Variants in HHIP observed in about 807,000 individuals in gnomAD.
The protein encoded by HHIP is hedgehog interacting protein.
In HHIP, 12 loss-of-function variants were observed where a neutral mutation model predicts 74.0. That is an observed-to-expected ratio of 0.16 (90% confidence interval 0.10 to 0.26). HHIP has a LOEUF of 0.26. HHIP is among the 10% of genes least tolerant of loss of function. The pLI is 1.00. For missense variants in HHIP, 788 were observed against 845.0 expected (o/e 0.93, Z 0.84); for synonymous variants, 309 against 311.6 (o/e 0.99, Z 0.09).
At chr4:144,675,675 T>C (rs113325476) in intron 4 of HHIP, among the ~76,000 whole-genome samples, 2 of 152,142 alleles carry the variant, frequency 1.3e-5, no homozygotes, top group Admixed American at 1.3e-4. Flanking sequence ...ATTTCATATG[T>C]ATATATACAT....
chr4:144,737,847 C>T lies in HHIP; in HGVS notation c.1993C>T (p.Gln665Ter). 6.2e-7 allele frequency: 1 copy of T among 1,613,936 alleles called. No homozygotes were observed. The highest frequency in any genetic ancestry group is 8.5e-7 in the Non-Finnish European group (1 of 1,179,850). The change falls in exon 13 of 13, where the codon CAA (glutamine) becomes TAA (stop). Residue 665 changes from glutamine to a stop codon, truncating the protein, a stop_gained. Transcript: ENST00000296575. LOFTEE classifies it high-confidence loss of function. ...CTGTAAAAAAGGATATCTTGGTCCT[C>T]AATGTGAACAAGTGGACAGAAACAT... Reference protein sequence around the residue: ...CLCKKGYLGPQCEQVDRNIRR... With the variant: ...CLCKKGYLGP
intron 4 of HHIP, among the ~76,000 whole-genome samples, chr4:144,698,622 G>A (rs533392258): frequency 1.3e-5 from 2 of 152,212 alleles, no homozygotes. Context: ...TCAGCATTCC[G>A]TTAATTGGAC....
intron 4 of HHIP, chr4:144,660,168 T>C (rs1370376979): frequency 2.7e-6 from 1 of 366,754 alleles, no homozygotes; most frequent in African/African-American, 2.1e-5. Flanking sequence ...CATCAGCATT[T>C]GCTAGTAGAA....
At chr4:144,680,544 G>T (rs946428704) in intron 4 of HHIP, among the ~76,000 whole-genome samples, 8 of 152,182 alleles carry the variant, frequency 5.3e-5, no homozygotes, top group African/African-American at 1.9e-4. Context: ...TATTTTCTAA[G>T]ATCTCTATGT....
chr4:144,675,686 ATG>A lies in HHIP; in HGVS notation c.831+15856_831+15857del, dbSNP rs1180639316. ...AAACATTTCATATGTATATATACATATGTGTGTGTATATATATGCATAAAACA... is the reference window on the plus strand; with the variant it reads ...AAACATTTCATATGTATATATACATATGTGTGTATATATATGCATAAAACA... On this transcript the variant is annotated intron_variant, in intron 4 of 12. Transcript: ENST00000296575. Among the ~76,000 whole-genome samples, 16 of 152,238 alleles carry A rather than the reference ATG, an allele frequency of 1.1e-4. No individual in the cohort carries two copies. The South Asian group carries it at 2.3e-3, about 22-fold the overall frequency.
At chr4:144,725,149 C>CATT (rs1428311007) in intron 11 of HHIP, among the ~76,000 whole-genome samples, 1 of 152,088 alleles carries the variant, frequency 6.6e-6, no homozygotes, top group African/African-American at 2.4e-5. Context: ...ACCTTAAAGA[C>CATT]AGATTTAATG....
intron 7 of HHIP, among the ~76,000 whole-genome samples, chr4:144,709,301 G>A (rs1012526999): frequency 7.2e-5 from 11 of 152,132 alleles, no homozygotes; most frequent in African/African-American, 2.2e-4. Context: ...CTTAAGGTGG[G>A]TTCAGGATGT....
chr4:144,673,520 T>G lies in HHIP; in HGVS notation c.831+13682T>G, dbSNP rs879895307. 6.4e-4 allele frequency among the ~76,000 whole-genome samples: 98 copies of G among 152,120 alleles called. 6 individuals are homozygous for G. Among genetic ancestry groups the G allele is most frequent in the Non-Finnish European group, 4.4e-5 (3 of 68,012 alleles). On this transcript the variant is annotated intron_variant, in intron 4 of 12. Transcript: ENST00000296575. ...ACTGTTTGAATGAGACACACACACATATGTGTTCCTCCTAGGAAATGCACA... is the reference window on the plus strand; with the variant it reads ...ACTGTTTGAATGAGACACACACACAGATGTGTTCCTCCTAGGAAATGCACA...
At chr4:144,671,008 T>G (rs1485718022) in intron 4 of HHIP, among the ~76,000 whole-genome samples, 1 of 152,068 alleles carries the variant, frequency 6.6e-6, no homozygotes, top group Non-Finnish European at 1.5e-5. Flanking sequence ...AGTTATCAAT[T>G]ACTACCCTAG....
At position 144,683,707 on chromosome 4, in the gene HHIP, A is replaced by T. The variant is rs549288314; in HGVS notation, c.832-22824A>T. Among the ~76,000 whole-genome samples, 18 of 152,336 alleles carry T rather than the reference A, an allele frequency of 1.2e-4. No homozygotes were observed. In the East Asian group the frequency reaches 3.5e-3, roughly 29 times the overall value. Reference sequence around the variant, plus strand: ...TTTGTAAATAAAGTTTTATGGGAACACAACCACATCATTTGTTTATGTATT... The same window carrying T: ...TTTGTAAATAAAGTTTTATGGGAACTCAACCACATCATTTGTTTATGTATT... On this transcript the variant is annotated intron_variant, in intron 4 of 12. Coordinates refer to ENST00000296575, the MANE Select transcript of HHIP (RefSeq NM_022475.3).
chr4:144,679,159 G>C (rs1409172962), intron 4 of HHIP, among the ~76,000 whole-genome samples: 4 of 150,920 alleles, frequency 2.7e-5, no homozygotes, highest in Non-Finnish European at 5.9e-5. Flanking sequence ...TTCTATGTTT[G>C]TTGGCCGCAT....
intron 12 of HHIP, among the ~76,000 whole-genome samples, chr4:144,736,168 C>T: frequency 7.8e-6 from 1 of 127,510 alleles, no homozygotes. Context: ...TGGAGTCTCT[C>T]TCTGTCGCCC....
At chr4:144,731,529 C>T (rs1321503236) in intron 11 of HHIP, among the ~76,000 whole-genome samples, 1 of 152,132 alleles carries the variant, frequency 6.6e-6, no homozygotes, top group Non-Finnish European at 1.5e-5. Flanking sequence ...CAGCAATTCT[C>T]CTGCCTCAGC....
intron 4 of HHIP, among the ~76,000 whole-genome samples, chr4:144,672,940 G>A (rs879684831): frequency 1.3e-4 from 20 of 152,158 alleles, no homozygotes; most frequent in African/African-American, 4.1e-4. Flanking sequence ...CAGGTGATTC[G>A]CCCGCCTCAG....
At chr4:144,709,506 G>C (rs1450089211) in intron 7 of HHIP, among the ~76,000 whole-genome samples, 2 of 152,214 alleles carry the variant, frequency 1.3e-5, no homozygotes, top group Non-Finnish European at 2.9e-5. Flanking sequence ...CAAGATGCCT[G>C]TGCTGCGGAG....
chr4:144,714,142 C>A, intron 8 of HHIP, 83 bp from the exon 9 acceptor site: 1 of 1,197,446 alleles, frequency 8.4e-7, no homozygotes, highest in Non-Finnish European at 1.2e-6. Flanking sequence ...AGTTAAATTA[C>A]TATAGTAATT....
rs1578718409 is a variant in HHIP, at chr4:144,714,118, A to G, written c.1424-107A>G. 6.3e-6 allele frequency: 6 copies of G among 959,350 alleles called. No individual in the cohort carries two copies. The East Asian group carries it at 1.3e-4, about 20-fold the overall frequency. 59.4% of individuals were successfully genotyped at this position (959,350 alleles called of 1,614,324 possible). ...AGCAAGAAACCCTTTGGTGTATCAT[A>G]GAACACATTTCAGAGTTAAATTACT... On this transcript the variant is annotated intron_variant, in intron 8 of 12. Transcript: ENST00000296575.
intron 10 of HHIP, among the ~76,000 whole-genome samples, chr4:144,716,791 G>T (rs1326726955): frequency 7.4e-6 from 1 of 135,878 alleles, no homozygotes; most frequent in Non-Finnish European, 1.5e-5. Context: ...GGAGGTTGCA[G>T]TGAGCCAAGA....
intron 4 of HHIP, among the ~76,000 whole-genome samples, chr4:144,667,359 T>A (rs192835908): frequency 6.6e-6 from 1 of 151,974 alleles, no homozygotes; most frequent in Non-Finnish European, 1.5e-5. Context: ...AAAAAAATAA[T>A]AAATAATAAA....
Sources: allele counts gnomAD v4.1 joint callset (sites outside exome capture counted in the v4.1 genomes callset), GRCh38; gene constraint gnomAD v4.1.1; transcripts MANE v1.5; gene names NCBI Gene and HGNC (gene_info 2026-07-23, HGNC 2026-07-21).